Variants in TTN observed in about 807,000 individuals in gnomAD.
The protein encoded by TTN is connectin.
A neutral mutation model predicts 3,223.0 loss-of-function variants in TTN; 1,525 were observed. The observed-to-expected ratio is 0.47, with a 90% CI of 0.45 to 0.49. The LOEUF (loss-of-function observed/expected upper bound fraction) is 0.49, where lower values mean the gene tolerates loss of function less well. Among genes scored for constraint, TTN ranks in the 20% least tolerant of loss-of-function variants. The pLI, the probability that TTN is intolerant of heterozygous loss-of-function variation, is 0.00. For missense variants in TTN, 40,786 were observed against 43,424.0 expected (o/e 0.94, Z 5.40); for synonymous variants, 14,094 against 15,161.0 (o/e 0.93, Z 5.17).
chr2:178,777,969 G>C lies in TTN; in HGVS notation c.4215C>G (p.Leu1405=), dbSNP rs2092402336. The C allele has an allele frequency of 6.2e-7, 1 of 1,613,564 alleles. No individual in the cohort carries two copies. ...TLEPVSRIRS[L]SPRSVSRSPI... ...GAGACCTGCTCACTGAACGTGGAGA[G>C]AGAGATCTGCAAAACAAAGACACAC... is the stretch of plus-strand genomic sequence containing the variant. Residue 1405 remains leucine (L), a synonymous_variant, in exon 25 of 363, where the codon CTC becomes CTG. Transcript: ENST00000589042.
In TTN at chr2:178,802,150, G is replaced by A. The variant is rs774434865; in HGVS notation, c.283C>T (p.Leu95Phe). 1.2e-6 allele frequency: 2 copies of A among 1,614,008 alleles called. No homozygotes were observed. Among genetic ancestry groups the A allele is most frequent in the African/African-American group, 1.3e-5 (1 of 74,926 alleles). The change falls in exon 3 of 363, where the codon CTT becomes TTT. Residue 95 changes from leucine to phenylalanine, a missense_variant. Transcript: ENST00000589042. Reference sequence around the variant, plus strand: ...CCCAGCAGCCTACCTTTCACGAGAAGCTCAGCAGTACTAGTCGCTTGTCCA... The same window carrying A: ...CCCAGCAGCCTACCTTTCACGAGAAACTCAGCAGTACTAGTCGCTTGTCCA... ...GSGQATSTAE[L>F]LVKAETAPPN...
chr2:178,678,883 T>C, intron 142 of TTN, 53 bp from the exon 143 acceptor site: 1 of 1,476,842 alleles, frequency 6.8e-7, no homozygotes. Context: ...ATAGCTAAGA[T>C]TTTAAGGCTG....
In TTN at chr2:178,764,229, A is replaced by T. The variant is rs752043927; in HGVS notation, c.10062T>A (p.Thr3354=). The change falls in exon 43 of 363, where the codon ACT becomes ACA. Residue 3354 remains threonine, a synonymous_variant. Coordinates refer to ENST00000589042, the MANE Select transcript of TTN (RefSeq NM_001267550.2). ...GGGCTGGCTGCCCTTCAGAAGTGAC[A>T]GTGTCCTGAAGCGGGGTGATGATGG... ...PPAIITPLQD[T]VTSEGQPARF... 1 of 1,614,142 alleles carries T rather than the reference A, an allele frequency of 6.2e-7. No homozygotes were observed. The highest frequency in any genetic ancestry group is 8.5e-7 in the Non-Finnish European group (1 of 1,179,988).
In TTN at chr2:178,775,843, C is replaced by T. The variant is rs866006326; in HGVS notation, c.6021G>A (p.Glu2007=). The change falls in exon 28 of 363, where the codon GAG becomes GAA. Residue 2007 remains glutamate (E), a synonymous_variant. Transcript: ENST00000589042. ...CAGCGGTAATGGCTTCATAATAGCC[C>T]TCTTCTGTTCTGCGCTTGAATTTAC... ...LRSKFKRRTE[E]GYYEAITAVE... The T allele has an allele frequency of 6.2e-7, 1 of 1,614,064 alleles. No homozygotes were observed. The highest frequency in any genetic ancestry group is 1.6e-4 in the Middle Eastern group (1 of 6,062).
chr2:178,751,160 T>C lies in TTN; in HGVS notation c.11311+1964A>G, dbSNP rs922984. 0.89 allele frequency: 1,429,503 copies of C among 1,611,982 alleles called. 641,992 individuals are homozygous for C. The highest frequency in any genetic ancestry group is 0.93 in the Non-Finnish European group (1,097,105 of 1,179,046). ...ATCAGACATAGATCTGATTTTCATGTCCTCTCTAGAGAACAGAATATCTTT... is the reference window on the plus strand; with the variant it reads ...ATCAGACATAGATCTGATTTTCATGCCCTCTCTAGAGAACAGAATATCTTT... On this transcript the variant is annotated intron_variant, in intron 47 of 362. Coordinates refer to ENST00000589042, the MANE Select transcript of TTN (RefSeq NM_001267550.2).
Position 178,684,707 on chromosome 2 carries a change from G to A in TTN, c.32597C>T (p.Pro10866Leu). 2.5e-6 allele frequency: 4 copies of A among 1,613,488 alleles called. No individual in the cohort carries two copies. Among genetic ancestry groups the A allele is most frequent in the Non-Finnish European group, 3.4e-6 (4 of 1,179,680 alleles). The change falls in exon 131 of 363, where the codon CCT becomes CTT. Residue 10866 changes from proline to leucine, a missense_variant. Coordinates refer to ENST00000589042, the MANE Select transcript of TTN (RefSeq NM_001267550.2). ...TTCTTCCATCTTAATGACTTTTGGA[G>A]GAACCTTTTTTTCTGGAACTGGTTT... ...PKKPVPEKKV[P>L]PKVIKMEEPL...
intron 47 of TTN, chr2:178,750,702 TTC>T (rs769441843): frequency 3.1e-6 from 5 of 1,612,694 alleles, no homozygotes; most frequent in Non-Finnish European, 4.2e-6. Flanking sequence ...TCCTTTTTTA[TTC>T]TTTCACTAGC....
intron 6 of TTN, among the ~76,000 whole-genome samples, chr2:178,796,681 C>G (rs1050250809): frequency 2.0e-5 from 3 of 152,170 alleles, no homozygotes; most frequent in African/African-American, 7.2e-5. Context: ...TTAAGTTTCA[C>G]CCTGTGCCTT....
intron 99 of TTN, among the ~76,000 whole-genome samples, chr2:178,708,290 T>C (rs2076165959): frequency 6.6e-6 from 1 of 152,204 alleles, no homozygotes; most frequent in South Asian, 2.1e-4. Flanking sequence ...ATATGTGATT[T>C]TCTCTGATGT....
chr2:178,602,527 C>T lies in TTN; in HGVS notation c.54875G>A (p.Gly18292Glu). Residue 18292 changes from glycine to glutamate, a missense_variant, in exon 283 of 363, where the codon GGA becomes GAA. Transcript: ENST00000589042. ...KDKTKSSISLGWKPPAKDGGS... is the reference protein window; with the variant it reads ...KDKTKSSISLEWKPPAKDGGS... ...ACCATCTTTGGCTGGAGGTTTCCAT[C>T]CTAGTGAGATGCTTGACTTCGTTTT... 6.2e-7 allele frequency: 1 copy of T among 1,605,564 alleles called. No homozygotes were observed. Among genetic ancestry groups the T allele is most frequent in the South Asian group, 1.1e-5 (1 of 89,888 alleles).
At chr2:178,652,415 A>G in intron 202 of TTN, 43 bp downstream of exon 202, 1 of 1,613,134 alleles carries the variant, frequency 6.2e-7, no homozygotes, top group East Asian at 2.2e-5. Context: ...TTTCCAGAGC[A>G]GAAGAGTTTG....
chr2:178,616,238 T>C (rs2057317667), intron 257 of TTN, among the ~76,000 whole-genome samples: 1 of 147,812 alleles, frequency 6.8e-6, no homozygotes, highest in Non-Finnish European at 1.5e-5. Context: ...CAGTAGGGAA[T>C]TTTTTTTTTT....
chr2:178,718,789 C>T lies in TTN; in HGVS notation c.24411G>A (p.Leu8137=). ...CACTTTCTAATGGCTGCACCTCAAA[C>T]AACTCCAGTTCTGTGACAAAATCTT... ...SLEDFVTELE[L]FEVQPLESGD... The change falls in exon 84 of 363, where the codon TTG becomes TTA. Residue 8137 remains leucine (L), a synonymous_variant. Transcript: ENST00000589042. 6.2e-7 allele frequency: 1 copy of T among 1,613,770 alleles called. No homozygotes were observed. The highest frequency in any genetic ancestry group is 1.3e-5 in the African/African-American group (1 of 75,040).
chr2:178,673,295 A>C (rs969487223), intron 152 of TTN, among the ~76,000 whole-genome samples: 5 of 151,858 alleles, frequency 3.3e-5, no homozygotes, highest in Non-Finnish European at 1.5e-5. Flanking sequence ...AATAATTATT[A>C]TAACACAGAA....
At position 178,776,641 on chromosome 2, in the gene TTN, A is replaced by G. The variant is rs1035862701; in HGVS notation, c.5223T>C (p.Asp1741=). The change falls in exon 28 of 363, where the codon GAT becomes GAC. Residue 1741 remains aspartate (D), a synonymous_variant. Coordinates refer to ENST00000589042, the MANE Select transcript of TTN (RefSeq NM_001267550.2). The part of the protein sequence containing the change: ...DPTMVVEWLH[D]GKPLEAANRL... ...TGTTGGCTGCTTCAAGTGGCTTTCC[A>G]TCATGGAGCCACTCCACCACCATCG... 1 of 1,614,094 alleles carries G rather than the reference A, an allele frequency of 6.2e-7. No individual in the cohort carries two copies. Among genetic ancestry groups the G allele is most frequent in the Non-Finnish European group, 8.5e-7 (1 of 1,180,010 alleles).
chr2:178,649,579 C>T lies in TTN; in HGVS notation c.39948G>A (p.Lys13316=). The T allele has an allele frequency of 6.5e-7, 1 of 1,549,936 alleles. No homozygotes were observed. Among genetic ancestry groups the T allele is most frequent in the Non-Finnish European group, 8.7e-7 (1 of 1,146,584 alleles). The stretch of plus-strand genomic sequence containing the variant: ...CTTTAGCTGCTGGTGTTTCTGGCTT[C>T]TTAACAGTTGGGACCTTCTTCACTG... ...VVPVKKVPTV[K]KPETPAAKVP... Residue 13316 remains lysine, a synonymous_variant, in exon 212 of 363, where the codon AAG becomes AAA. Transcript: ENST00000589042.
At position 178,767,778 on chromosome 2, in the gene TTN, C is replaced by T. The variant is rs749077031; in HGVS notation, c.9452G>A (p.Ser3151Asn). The T allele has an allele frequency of 1.9e-6, 3 of 1,614,138 alleles. No individual in the cohort carries two copies. The highest frequency in any genetic ancestry group is 2.2e-5 in the East Asian group (1 of 44,888). The change falls in exon 40 of 363, where the codon AGT becomes AAT. Residue 3151 changes from serine (S) to asparagine (N), a missense_variant. Physicochemically the swap from Ser to Asn is conservative, Grantham distance 46. Transcript: ENST00000589042. ...FVEGRDVRIRSIKKEVQVIEK... is the reference protein window; with the variant it reads ...FVEGRDVRIRNIKKEVQVIEK... ...CAATACCTGAACCTCCTTTTTAATA[C>T]TTCGGATGCGAACATCTCTGCCTTC...
intron 106 of TTN, among the ~76,000 whole-genome samples, chr2:178,703,578 A>C (rs2075357630): frequency 6.6e-6 from 1 of 152,230 alleles, no homozygotes; most frequent in South Asian, 2.1e-4. Context: ...TGTCTTTGGA[A>C]AATGTGTATA....
Position 178,546,596 on chromosome 2 carries a change from C to T in TTN, c.94828+4G>A. The T allele has an allele frequency of 6.2e-7, 1 of 1,604,946 alleles. No individual in the cohort carries two copies. Among genetic ancestry groups the T allele is most frequent in the Non-Finnish European group, 8.5e-7 (1 of 1,173,182 alleles). ...TAAAAAGGAGAATGTTGACTATTTC[C>T]TACCGTATTCATCTCGGCAAGTGAC... is the stretch of plus-strand genomic sequence containing the variant. On this transcript the variant is annotated splice_donor_region_variant and intron_variant, in intron 341 of 362. Transcript: ENST00000589042.
Sources: gnomAD v4.1 joint callset for allele counts (sites outside exome capture counted in the v4.1 genomes callset) on GRCh38, gnomAD v4.1.1 for gene constraint, MANE v1.5 for transcripts, NCBI Gene and HGNC (gene_info 2026-07-23, HGNC 2026-07-21) for gene names.